Variants in ZNF140 observed in about 807,000 individuals in gnomAD.
The protein encoded by ZNF140 is zinc finger protein 140 (clone pHZ-39).
A neutral mutation model predicts 12.9 loss-of-function variants in ZNF140; 13 were observed. The observed-to-expected ratio is 1.01, with a 90% CI of 0.66 to 1.60. The LOEUF (loss-of-function observed/expected upper bound fraction) is 1.60. Among genes scored for constraint, ZNF140 ranks in the 40% most tolerant of loss-of-function variants. ZNF140 has a pLI of 0.00. For missense variants in ZNF140, 531 were observed against 548.8 expected, an observed-to-expected ratio of 0.97 and a Z score of 0.32; for synonymous variants, 214 against 186.7, an observed-to-expected ratio of 1.15 and a Z score of -1.19.
chr12:133,106,377 C>T lies in ZNF140; in HGVS notation c.1100C>T (p.Thr367Ile), dbSNP rs766513108. 9.3e-6 allele frequency: 15 copies of T among 1,614,142 alleles called. No homozygotes were observed. Among genetic ancestry groups the T allele is most frequent in the South Asian group, 2.2e-5 (2 of 91,084 alleles). Residue 367 changes from threonine to isoleucine, a missense_variant, in exon 5 of 5, where the codon ACT becomes ATT. Physicochemically the swap from Thr to Ile is moderately conservative, Grantham distance 89. Coordinates refer to ENST00000355557, the MANE Select transcript of ZNF140 (RefSeq NM_003440.4). ...TGTGATGAATGTGGTAAAGTTTTCA[C>T]TTGGCATGCATCCCTTATTCAACAT... is the stretch of plus-strand genomic sequence containing the variant. Reference protein sequence around the residue: ...YECDECGKVFTWHASLIQHTK... With the variant: ...YECDECGKVFIWHASLIQHTK...
chr12:133,091,049 T>A (rs1954857558), intron 4 of ZNF140, among the ~76,000 whole-genome samples: 1 of 149,194 alleles, frequency 6.7e-6, no homozygotes, highest in South Asian at 2.2e-4. Flanking sequence ...GACAGTGGCC[T>A]TCCTCTATCT....
At chr12:133,092,487 G>A (rs1954927280) in intron 4 of ZNF140, among the ~76,000 whole-genome samples, 1 of 151,192 alleles carries the variant, frequency 6.6e-6, no homozygotes. Flanking sequence ...TTGGAATTTA[G>A]GTTAATAGTG....
chr12:133,101,351 C>CAAAAA (rs1955339119), intron 4 of ZNF140, among the ~76,000 whole-genome samples: 1 of 151,638 alleles, frequency 6.6e-6, no homozygotes. Flanking sequence ...CCTTTTTTTT[C>CAAAAA]CCTCAATATT....
At chr12:133,097,171 C>G (rs1955159396) in intron 4 of ZNF140, among the ~76,000 whole-genome samples, 1 of 152,158 alleles carries the variant, frequency 6.6e-6, no homozygotes, top group Admixed American at 6.5e-5. Flanking sequence ...ACGTCTCTTT[C>G]TTTTGATAAG....
chr12:133,082,560 T>G (rs1954538330), intron 2 of ZNF140: 2 of 154,126 alleles, frequency 1.3e-5, no homozygotes, highest in South Asian at 4.0e-4. Context: ...ATCAAGATTC[T>G]TTATTGCTTA....
chr12:133,104,593 T>C (rs1204567954), intron 4 of ZNF140, among the ~76,000 whole-genome samples: 7 of 152,222 alleles, frequency 4.6e-5, no homozygotes, highest in East Asian at 1.9e-4. Context: ...CCTCATGATC[T>C]GCCCGCCTTG....
At chr12:133,097,819 ATGTGTGTGTGTGTG>A (rs71079166) in intron 4 of ZNF140, among the ~76,000 whole-genome samples, 5 of 143,260 alleles carry the variant, frequency 3.5e-5, no homozygotes, top group African/African-American at 5.2e-5. Context: ...ACATCTAACC[ATGTGTGTGTGTGTG>A]TGTGTGTGTG....
chr12:133,096,114 T>C (rs1158990802), intron 4 of ZNF140, among the ~76,000 whole-genome samples: 1 of 151,632 alleles, frequency 6.6e-6, no homozygotes, highest in African/African-American at 2.4e-5. Flanking sequence ...GACTATCACA[T>C]GGGGAGAAAC....
chr12:133,097,575 G>A (rs937686666), intron 4 of ZNF140, among the ~76,000 whole-genome samples: 16 of 150,478 alleles, frequency 1.1e-4, no homozygotes, highest in Non-Finnish European at 1.8e-4. Context: ...CCCGGGAGGC[G>A]GAGGTTGCAG....
Position 133,096,662 on chromosome 12 carries a change from G to A in ZNF140, c.233-8848G>A, listed in dbSNP as rs913924900. On this transcript the variant is annotated intron_variant, in intron 4 of 4. Coordinates refer to ENST00000355557, the MANE Select transcript of ZNF140 (RefSeq NM_003440.4). ...TAGAAGTGTGTTGTTCAATATCCATGTGTTTTGAGATTTTCCTTTTAATCT... is the reference window on the plus strand; with the variant it reads ...TAGAAGTGTGTTGTTCAATATCCATATGTTTTGAGATTTTCCTTTTAATCT... Among the ~76,000 whole-genome samples, 8 of 152,270 alleles carry A rather than the reference G, an allele frequency of 5.3e-5. No homozygotes were observed. The South Asian group carries it at 6.2e-4, about 12-fold the overall frequency.
intron 4 of ZNF140, among the ~76,000 whole-genome samples, chr12:133,097,491 A>C (rs1028706379): frequency 6.6e-6 from 1 of 151,850 alleles, no homozygotes; most frequent in Non-Finnish European, 1.5e-5. Flanking sequence ...AAAGTACAAA[A>C]TATTAGCCAG....
chr12:133,082,775 T>G (rs1954546974), intron 2 of ZNF140: 1 of 198,636 alleles, frequency 5.0e-6, no homozygotes, highest in African/African-American at 2.3e-5. Flanking sequence ...ATACATTGTT[T>G]ATTAACATAA....
intron 4 of ZNF140, among the ~76,000 whole-genome samples, chr12:133,091,980 G>A (rs1417801471): frequency 6.6e-6 from 1 of 151,084 alleles, no homozygotes; most frequent in African/African-American, 2.5e-5. Context: ...AGGCTCATGA[G>A]CCTATCTCCC....
At chr12:133,089,302 T>TC (rs1244349392) in intron 4 of ZNF140, among the ~76,000 whole-genome samples, 3 of 152,046 alleles carry the variant, frequency 2.0e-5, no homozygotes, top group African/African-American at 7.2e-5. Context: ...AGCCTCAACT[T>TC]CCCCCGGCCC....
intron 4 of ZNF140, among the ~76,000 whole-genome samples, chr12:133,092,803 T>A (rs1954937778): frequency 6.6e-6 from 1 of 151,148 alleles, no homozygotes; most frequent in African/African-American, 2.5e-5. Context: ...ATAATTGGCC[T>A]CGAGGGGCCC....
At chr12:133,098,549 A>G (rs1389218641) in intron 4 of ZNF140, among the ~76,000 whole-genome samples, 1 of 152,132 alleles carries the variant, frequency 6.6e-6, no homozygotes, top group Non-Finnish European at 1.5e-5. Flanking sequence ...CTACATTTAT[A>G]AATAATCCAA....
At chr12:133,102,618 G>A (rs1050084579) in intron 4 of ZNF140, among the ~76,000 whole-genome samples, 1 of 151,976 alleles carries the variant, frequency 6.6e-6, no homozygotes, top group African/African-American at 2.4e-5. Context: ...GCGTGGCAGC[G>A]TGTGCCTGTA....
chr12:133,084,088 C>A, intron 4 of ZNF140: 1 of 411,744 alleles, frequency 2.4e-6, no homozygotes, highest in Non-Finnish European at 4.7e-6. Flanking sequence ...CCAGTTCTCA[C>A]CTTATACTTT....
intron 2 of ZNF140, chr12:133,081,770 A>C (rs1279943773): frequency 7.0e-6 from 2 of 286,950 alleles, no homozygotes; most frequent in African/African-American, 4.6e-5. Flanking sequence ...GGAGTGCTTT[A>C]CGTTACTCCA....
Sources: gnomAD v4.1 joint callset for allele counts (sites outside exome capture counted in the v4.1 genomes callset) on GRCh38, gnomAD v4.1.1 for gene constraint, MANE v1.5 for transcripts, NCBI Gene and HGNC (gene_info 2026-07-23, HGNC 2026-07-21) for gene names.